Variants in NCKAP5 observed in about 807,000 individuals in gnomAD.
NCKAP5 encodes nck-associated protein 5.
NCKAP5 carries 92 observed loss-of-function variants against 167.0 expected under a neutral mutation model. That is an observed-to-expected ratio of 0.55 (90% CI 0.47 to 0.66). The LOEUF (loss-of-function observed/expected upper bound fraction) is 0.66, where lower values mean the gene tolerates loss of function less well. Ranked by LOEUF, NCKAP5 falls within the 30% of genes least tolerant of loss-of-function variation. The probability of loss-of-function intolerance (pLI) is 0.00; values close to 1 mark genes in which losing one functional copy is unlikely to be tolerated. For missense variants in NCKAP5, 2,378 were observed against 2,315.0 expected, an observed-to-expected ratio of 1.03 and a Z score of -0.56; for synonymous variants, 891 against 877.4, an observed-to-expected ratio of 1.02 and a Z score of -0.27.
At chr2:132,750,906 C>A (rs1680054185) in intron 16 of NCKAP5, among the ~76,000 whole-genome samples, 1 of 152,220 alleles carries the variant, frequency 6.6e-6, no homozygotes. Flanking sequence ...GCAGACTGAG[C>A]AGGTCTCCCT....
chr2:133,367,373 C>A (rs1433958334), intron 3 of NCKAP5, among the ~76,000 whole-genome samples: 2 of 152,296 alleles, frequency 1.3e-5, no homozygotes, highest in Non-Finnish European at 2.9e-5. Context: ...ACTTGAATTT[C>A]ATCTCAGCCA....
chr2:133,343,397 G>A (rs1361642035), intron 3 of NCKAP5, among the ~76,000 whole-genome samples: 3 of 149,740 alleles, frequency 2.0e-5, no homozygotes, highest in East Asian at 2.0e-4. Context: ...CCTACAAAAA[G>A]AAACACATGT....
At chr2:133,662,308 C>A in the NCKAP5 span, among the ~76,000 whole-genome samples, 2 of 151,950 alleles carry the variant, frequency 1.3e-5, no homozygotes, top group Non-Finnish European at 2.9e-5. Flanking sequence ...ATCTTTTTAT[C>A]GTTTGCCCAA....
At chr2:133,425,986 T>C (rs761988985) in intron 3 of NCKAP5, among the ~76,000 whole-genome samples, 3 of 152,112 alleles carry the variant, frequency 2.0e-5, no homozygotes, top group Non-Finnish European at 4.4e-5. Context: ...GGATAGAAAA[T>C]GCAGGCCAGG....
chr2:133,111,014 A>T (rs940222257), intron 6 of NCKAP5, among the ~76,000 whole-genome samples: 2 of 152,140 alleles, frequency 1.3e-5, no homozygotes, highest in Non-Finnish European at 2.9e-5. Context: ...CAAAGGCACC[A>T]TCAGTCTTAT....
chr2:133,309,125 A>AAT (rs1346074956), intron 3 of NCKAP5, among the ~76,000 whole-genome samples: 1 of 152,178 alleles, frequency 6.6e-6, no homozygotes, highest in African/African-American at 2.4e-5. Flanking sequence ...CAATTTAGAA[A>AAT]ATATATATGA....
chr2:133,585,382 C>G, the NCKAP5 span, among the ~76,000 whole-genome samples: 1 of 152,224 alleles, frequency 6.6e-6, no homozygotes, highest in Non-Finnish European at 1.5e-5. Flanking sequence ...AACACAGTCA[C>G]TTAATGACAC....
At chr2:132,844,154 C>T (rs992834078) in intron 11 of NCKAP5, among the ~76,000 whole-genome samples, 1 of 152,062 alleles carries the variant, frequency 6.6e-6, no homozygotes, top group Admixed American at 6.6e-5. Context: ...ATATGTAATA[C>T]GTTTTCTTTA....
At chr2:133,124,389 A>G (rs1409333972) in intron 6 of NCKAP5, among the ~76,000 whole-genome samples, 1 of 152,180 alleles carries the variant, frequency 6.6e-6, no homozygotes, top group Non-Finnish European at 1.5e-5. Context: ...GTTTGCTAAG[A>G]ATGTTTACAA....
At chr2:132,894,788 G>A (rs539375919) in intron 8 of NCKAP5, among the ~76,000 whole-genome samples, 4 of 152,266 alleles carry the variant, frequency 2.6e-5, no homozygotes, top group South Asian at 2.1e-4. Context: ...ACAGAGGGCC[G>A]CCCTCCGCCC....
At chr2:132,865,720 G>A (rs1254141259) in intron 10 of NCKAP5, among the ~76,000 whole-genome samples, 2 of 152,204 alleles carry the variant, frequency 1.3e-5, no homozygotes, top group African/African-American at 2.4e-5. Context: ...GGATTGTGGA[G>A]GAAGAATGAG....
chr2:133,162,518 G>A (rs1326904434), intron 5 of NCKAP5, among the ~76,000 whole-genome samples: 1 of 152,122 alleles, frequency 6.6e-6, no homozygotes, highest in East Asian at 1.9e-4. Context: ...TAAATATAGA[G>A]TGTTACTATG....
the NCKAP5 span, among the ~76,000 whole-genome samples, chr2:133,581,042 T>A: frequency 6.6e-6 from 1 of 152,188 alleles, no homozygotes; most frequent in Non-Finnish European, 1.5e-5. Context: ...AGGAAGAACT[T>A]AATGATATCT....
intron 3 of NCKAP5, among the ~76,000 whole-genome samples, chr2:133,426,457 A>G (rs1689810710): frequency 6.7e-6 from 1 of 150,314 alleles, no homozygotes; most frequent in Admixed American, 6.6e-5. Flanking sequence ...AAAAAAAAAA[A>G]GACATAGAGG....
chr2:132,976,835 C>T (rs1021722720), intron 7 of NCKAP5, among the ~76,000 whole-genome samples: 5 of 151,600 alleles, frequency 3.3e-5, no homozygotes, highest in South Asian at 2.1e-4. Flanking sequence ...TCTAGATGAC[C>T]GAGGTGCTCA....
intron 3 of NCKAP5, among the ~76,000 whole-genome samples, chr2:133,350,872 C>T (rs1221589957): frequency 2.0e-5 from 3 of 152,002 alleles, no homozygotes; most frequent in Admixed American, 2.0e-4. Context: ...ATTTCTTCCC[C>T]CTTCACACCC....
intron 11 of NCKAP5, among the ~76,000 whole-genome samples, chr2:132,801,406 A>G (rs1466815724): frequency 6.6e-6 from 1 of 152,180 alleles, no homozygotes; most frequent in Non-Finnish European, 1.5e-5. Context: ...GTTTCTATGT[A>G]TATATGTCAT....
chr2:133,492,170 T>TGTG (rs1559524824), intron 3 of NCKAP5, among the ~76,000 whole-genome samples: 1 of 151,480 alleles, frequency 6.6e-6, no homozygotes, highest in Non-Finnish European at 1.5e-5. Flanking sequence ...TGTGTGTGTG[T>TGTG]TAAGGTCTAT....
intron 19 of NCKAP5, among the ~76,000 whole-genome samples, chr2:132,724,503 A>G (rs1690254135): frequency 6.6e-6 from 1 of 152,042 alleles, no homozygotes; most frequent in Non-Finnish European, 1.5e-5. Context: ...AGGACTCACA[A>G]TGAGCTCAAG....
Sources: allele counts gnomAD v4.1 joint callset (sites outside exome capture counted in the v4.1 genomes callset), GRCh38; gene constraint gnomAD v4.1.1; transcripts MANE v1.5; gene names NCBI Gene and HGNC (gene_info 2026-07-23, HGNC 2026-07-21).